Variants in ACOXL observed in about 807,000 individuals in gnomAD.
The protein encoded by ACOXL is acyl-CoA oxidase like, also known as acyl-coenzyme A oxidase-like protein.
Under a neutral mutation model 71.9 loss-of-function variants are expected in ACOXL, and 70 were observed. That is an observed-to-expected ratio of 0.97 (90% confidence interval 0.80 to 1.19). ACOXL has a LOEUF of 1.19. Ranked by LOEUF, ACOXL falls within the 50% of genes most tolerant of loss-of-function variation. The probability of loss-of-function intolerance (pLI) is 0.00; values close to 1 mark genes in which losing one functional copy is unlikely to be tolerated. For synonymous variants in ACOXL, 253 were observed against 281.6 expected (o/e 0.90, Z 1.02); for missense variants, 703 against 736.3 (o/e 0.95, Z 0.52).
intron 17 of ACOXL, among the ~76,000 whole-genome samples, chr2:111,095,379 A>ATTTTTC: frequency 7.4e-6 from 1 of 135,194 alleles, no homozygotes; most frequent in Middle Eastern, 4.0e-3. Context: ...TTTTGTATTT[A>ATTTTTC]TTTTTCTTTT....
chr2:110,784,675 T>C, intron 2 of ACOXL, 57 bp from the exon 3 acceptor site: 1 of 1,361,272 alleles, frequency 7.3e-7, no homozygotes, highest in Non-Finnish European at 9.9e-7. Context: ...AAACTGTGAA[T>C]TTAACAAGTC....
At chr2:110,860,478 A>T (rs1027604900) in intron 10 of ACOXL, among the ~76,000 whole-genome samples, 2 of 152,220 alleles carry the variant, frequency 1.3e-5, no homozygotes, top group African/African-American at 4.8e-5. Context: ...CCGCAGCTGC[A>T]GTAAGAGGCT....
chr2:110,746,864 A>G (rs1291962430), intron 1 of ACOXL, among the ~76,000 whole-genome samples: 2 of 151,170 alleles, frequency 1.3e-5, no homozygotes, highest in East Asian at 3.9e-4. Flanking sequence ...GTTTAGTCTA[A>G]GATGAAAGCT....
At chr2:110,972,807 A>G (rs1302664952) in intron 12 of ACOXL, among the ~76,000 whole-genome samples, 2 of 152,240 alleles carry the variant, frequency 1.3e-5, no homozygotes, top group African/African-American at 2.4e-5. Flanking sequence ...ACAAATTGTG[A>G]GAATACCTGT....
At chr2:110,969,747 G>A (rs323648) in intron 12 of ACOXL, among the ~76,000 whole-genome samples, 12,216 of 151,816 alleles carry the variant, frequency 0.08, 661 homozygotes, top group Non-Finnish European at 0.12. Context: ...GGGTGCAGAG[G>A]CTGCAGTGAG....
intron 13 of ACOXL, among the ~76,000 whole-genome samples, chr2:110,992,028 C>T (rs552470268): frequency 2.0e-4 from 31 of 152,314 alleles, no homozygotes; most frequent in African/African-American, 7.2e-4. Flanking sequence ...TCTGCCCTTT[C>T]GTTTCTTTTT....
At chr2:111,052,988 T>C (rs1268014102) in intron 16 of ACOXL, among the ~76,000 whole-genome samples, 1 of 151,964 alleles carries the variant, frequency 6.6e-6, no homozygotes, top group African/African-American at 2.4e-5. Flanking sequence ...CAGCAAAGAG[T>C]ACCTGGACCT....
At chr2:110,996,806 G>C (rs1424132504) in intron 14 of ACOXL, among the ~76,000 whole-genome samples, 1 of 152,174 alleles carries the variant, frequency 6.6e-6, no homozygotes, top group Non-Finnish European at 1.5e-5. Context: ...GAAGAGGATG[G>C]ATGGTACATG....
intron 9 of ACOXL, among the ~76,000 whole-genome samples, chr2:110,838,498 C>G (rs948546377): frequency 2.6e-5 from 4 of 152,198 alleles, no homozygotes; most frequent in Admixed American, 6.5e-5. Flanking sequence ...GGAAAAGCAT[C>G]TCATCTCTCA....
chr2:110,877,589 C>G (rs1696087191), intron 10 of ACOXL, among the ~76,000 whole-genome samples: 1 of 152,164 alleles, frequency 6.6e-6, no homozygotes, highest in Non-Finnish European at 1.5e-5. Context: ...GCTCACAAAC[C>G]CACAGGATTT....
chr2:110,809,921 G>A (rs1028887687), intron 9 of ACOXL, among the ~76,000 whole-genome samples: 13 of 152,168 alleles, frequency 8.5e-5, no homozygotes, highest in African/African-American at 2.9e-4. Context: ...GTGAGGTCTT[G>A]CTTGGGATTG....
At chr2:111,068,086 C>T (rs1232733469) in intron 16 of ACOXL, among the ~76,000 whole-genome samples, 3 of 152,166 alleles carry the variant, frequency 2.0e-5, no homozygotes, top group Admixed American at 2.0e-4. Context: ...CCCACCCACC[C>T]CCTATACAGT....
At chr2:110,922,374 C>T (rs1424174322) in intron 11 of ACOXL, among the ~76,000 whole-genome samples, 1 of 152,084 alleles carries the variant, frequency 6.6e-6, no homozygotes, top group East Asian at 1.9e-4. Flanking sequence ...ATATGCATGC[C>T]AAAGGAAAAC....
chr2:110,785,488 T>TCCGGG (rs1683849607), intron 3 of ACOXL, among the ~76,000 whole-genome samples: 5 of 151,292 alleles, frequency 3.3e-5, no homozygotes, highest in Admixed American at 2.0e-4. Flanking sequence ...GAAAGAAACT[T>TCCGGG]CCGGGTCCTA....
At chr2:110,876,413 GAGAGGCTGGGGTGCTTCCA>G (rs1695910717) in intron 10 of ACOXL, among the ~76,000 whole-genome samples, 1 of 152,174 alleles carries the variant, frequency 6.6e-6, no homozygotes. Context: ...GACTGGGTCA[GAGAGGCTGGGGTGCTTCCA>G]GCCCAGGCTG....
At chr2:110,757,529 T>C (rs1280270168) in intron 1 of ACOXL, among the ~76,000 whole-genome samples, 1 of 152,158 alleles carries the variant, frequency 6.6e-6, no homozygotes, top group African/African-American at 2.4e-5. Context: ...AGTGTAAAAG[T>C]GTTCCTCGTT....
At chr2:110,856,483 T>C (rs2148957025) in intron 10 of ACOXL, among the ~76,000 whole-genome samples, 1 of 152,336 alleles carries the variant, frequency 6.6e-6, no homozygotes, top group South Asian at 2.1e-4. Context: ...CATAAAGTGT[T>C]TCCTTTAGGT....
chr2:111,073,277 AT>A (rs1327280340), intron 16 of ACOXL, among the ~76,000 whole-genome samples: 1 of 151,288 alleles, frequency 6.6e-6, no homozygotes, highest in Non-Finnish European at 1.5e-5. Context: ...CAATTTATCC[AT>A]TTTTCTCTTT....
At chr2:110,931,396 G>A (rs1023615187) in intron 11 of ACOXL, among the ~76,000 whole-genome samples, 2 of 152,162 alleles carry the variant, frequency 1.3e-5, no homozygotes, top group Non-Finnish European at 2.9e-5. Context: ...GGGGAATCAT[G>A]TATACATTTT....
Sources: gnomAD v4.1 joint callset for allele counts (sites outside exome capture counted in the v4.1 genomes callset) on GRCh38, gnomAD v4.1.1 for gene constraint, MANE v1.5 for transcripts, NCBI Gene and HGNC (gene_info 2026-07-23, HGNC 2026-07-21) for gene names.